Variants in ZNF586 observed in about 807,000 individuals in gnomAD.
ZNF586 encodes the protein zinc finger protein 586.
Under a neutral mutation model 6.7 loss-of-function variants are expected in ZNF586, and 7 were observed. That is an observed-to-expected ratio of 1.04 (90% CI 0.59 to 1.95). The LOEUF is 1.95. ZNF586 is among the 30% of genes most tolerant of loss of function. The probability of loss-of-function intolerance (pLI) is 0.00; values close to 1 mark genes in which losing one functional copy is unlikely to be tolerated. For synonymous variants in ZNF586, 166 were observed against 168.7 expected (o/e 0.98, Z 0.12); for missense variants, 442 against 489.6 (o/e 0.90, Z 0.92).
At position 57,779,430 on chromosome 19, in the gene ZNF586, G is replaced by C. The variant is rs1056667271; in HGVS notation, c.843G>C (p.Gln281His). 7.4e-6 allele frequency: 12 copies of C among 1,613,938 alleles called. No individual in the cohort carries two copies. The highest frequency in any genetic ancestry group is 1.0e-5 in the Non-Finnish European group (12 of 1,180,034). Reference protein sequence around the residue: ...FRRSSSLLQHQRVHTRERPYE... With the variant: ...FRRSSSLLQHHRVHTRERPYE... ...GAAGCTCTTCACTCTTGCAGCATCAGAGAGTTCACACTAGAGAAAGGCCTT... is the reference window on the plus strand; with the variant it reads ...GAAGCTCTTCACTCTTGCAGCATCACAGAGTTCACACTAGAGAAAGGCCTT... Residue 281 changes from glutamine (Q) to histidine (H), a missense_variant, in exon 3 of 3, where the codon CAG (glutamine) becomes CAC (histidine). Physicochemically the swap from Gln to His is conservative, Grantham distance 24. Transcript: ENST00000396154.
chr19:57,778,062 G>A (rs1245725943), intron 2 of ZNF586, among the ~76,000 whole-genome samples: 1 of 147,642 alleles, frequency 6.8e-6, no homozygotes, highest in Non-Finnish European at 1.5e-5. Flanking sequence ...AGCCTCTATG[G>A]AGTATATAAT....
At chr19:57,777,595 C>G (rs985665627) in intron 2 of ZNF586, among the ~76,000 whole-genome samples, 3 of 152,010 alleles carry the variant, frequency 2.0e-5, no homozygotes, top group African/African-American at 7.2e-5. Context: ...GTTTATTAGT[C>G]CTACACCTTG....
In ZNF586 at chr19:57,779,981, C is replaced by G; in HGVS notation, c.*185C>G. 1 of 574,698 alleles carries G rather than the reference C, an allele frequency of 1.7e-6. No homozygotes were observed. The allele number at this position is 574,698 out of a possible 1,614,324, so 35.6% of individuals were successfully genotyped here. On this transcript the variant is annotated 3_prime_UTR_variant, in exon 3 of 3. Transcript: ENST00000396154. ...TTTGAGTGCAATGAATGTGAGAAAG[C>G]CTTCAGCCCTCTCTCATTGGTTACC... is the stretch of plus-strand genomic sequence containing the variant.
intron 2 of ZNF586, among the ~76,000 whole-genome samples, chr19:57,777,746 C>CT (rs34718874): frequency 0.027 from 1,497 of 54,504 alleles, 374 homozygotes; most frequent in African/African-American, 0.1. Flanking sequence ...TATACCCATT[C>CT]TTTTTTTTTT....
chr19:57,777,836 A>G (rs1987272438), intron 2 of ZNF586, among the ~76,000 whole-genome samples: 1 of 134,716 alleles, frequency 7.4e-6, no homozygotes, highest in African/African-American at 2.8e-5. Flanking sequence ...GCTCACTGCA[A>G]CCTCCGCCTC....
intron 1 of ZNF586, among the ~76,000 whole-genome samples, chr19:57,772,163 G>A (rs79126005): frequency 0.015 from 2,223 of 152,276 alleles, 35 homozygotes; most frequent in Middle Eastern, 0.037. Context: ...GAGCTTGAGA[G>A]GATTCAGGAA....
At chr19:57,774,832 A>C in intron 1 of ZNF586, 1 of 836,384 alleles carries the variant, frequency 1.2e-6, no homozygotes, top group Non-Finnish European at 1.4e-6. Context: ...ATCATGTGCT[A>C]CCTTCATGTC....
chr19:57,779,704 T>TATGA lies in ZNF586; in HGVS notation c.1121_1124dup (p.Cys375Ter). ...GAGAGTTCACACTGGAGAAAGGCCA[T>TATGA]ATGAATGCATTGATTGTGGAAAATC... is the stretch of plus-strand genomic sequence containing the variant. On this transcript the variant is annotated frameshift_variant, in exon 3 of 3. Coordinates refer to ENST00000396154, the MANE Select transcript of ZNF586 (RefSeq NM_017652.4). LOFTEE classifies it low-confidence loss of function (END_TRUNC). 3.7e-6 allele frequency: 6 copies of TATGA among 1,614,180 alleles called. No homozygotes were observed. Among genetic ancestry groups the TATGA allele is most frequent in the Non-Finnish European group, 5.1e-6 (6 of 1,180,002 alleles).
Position 57,779,676 on chromosome 19 carries a change from C to T in ZNF586, c.1089C>T (p.His363=), listed in dbSNP as rs1987338022. The T allele has an allele frequency of 3.1e-6, 5 of 1,613,588 alleles. No homozygotes were observed. The African/African-American group carries it at 4.0e-5, about 13-fold the overall frequency. The stretch of plus-strand genomic sequence containing the variant: ...CTGAAAACTCCAGCCTTATTAAACA[C>T]TTGAGAGTTCACACTGGAGAAAGGC... ...SFAENSSLIK[H]LRVHTGERPY... is the part of the protein sequence containing the mutation. The change falls in exon 3 of 3, where the codon CAC becomes CAT. Residue 363 remains histidine, a synonymous_variant. Transcript: ENST00000396154.
chr19:57,774,762 C>G, intron 1 of ZNF586: 1 of 984,850 alleles, frequency 1.0e-6, no homozygotes, highest in East Asian at 1.1e-4. Context: ...TTTAATTTAC[C>G]AAGACTACTG....
chr19:57,770,052 A>C lies in ZNF586; in HGVS notation c.36+174A>C, dbSNP rs545378582. 1.8e-4 allele frequency among the ~76,000 whole-genome samples: 28 copies of C among 152,008 alleles called. 3 individuals carry two copies. In the Middle Eastern group the frequency reaches 0.01, roughly 56 times the overall value. Reference sequence around the variant, plus strand: ...CCCAGTTGATGCGGTCGGCAGAGCGAGACTGGCGGAGGGCAAAGGCCTGCA... The same window carrying C: ...CCCAGTTGATGCGGTCGGCAGAGCGCGACTGGCGGAGGGCAAAGGCCTGCA... On this transcript the variant is annotated intron_variant, in intron 1 of 2. Transcript: ENST00000396154.
At chr19:57,776,871 G>C (rs898730627) in intron 2 of ZNF586, among the ~76,000 whole-genome samples, 1 of 152,146 alleles carries the variant, frequency 6.6e-6, no homozygotes, top group African/African-American at 2.4e-5. Context: ...CAGGCTTCCA[G>C]GGAAGGAGTC....
At chr19:57,777,311 A>G (rs896812281) in intron 2 of ZNF586, among the ~76,000 whole-genome samples, 10 of 151,650 alleles carry the variant, frequency 6.6e-5, no homozygotes, top group Admixed American at 5.3e-4. Flanking sequence ...CGTCTGTCCT[A>G]TTTTTCCCTT....
At position 57,778,944 on chromosome 19, in the gene ZNF586, A is replaced by AC. The variant is rs777178060; in HGVS notation, c.357_358insC (p.Arg120GlnfsTer4). ...AACACAGGAATGTTCGCACTGGAGAAAGGCCTTATGAGTGCAGCAAATATG... is the reference window on the plus strand; with the variant it reads ...AACACAGGAATGTTCGCACTGGAGAACAGGCCTTATGAGTGCAGCAAATATG... On this transcript the variant is annotated frameshift_variant, in exon 3 of 3. Coordinates refer to ENST00000396154, the MANE Select transcript of ZNF586 (RefSeq NM_017652.4). LOFTEE classifies it low-confidence loss of function (END_TRUNC). 1.5e-5 allele frequency: 24 copies of AC among 1,614,058 alleles called. No homozygotes were observed.
Position 57,776,659 on chromosome 19 carries a change from A to G in ZNF586, c.153A>G (p.Ile51Met), listed in dbSNP as rs536364108. 43 of 1,604,590 alleles carry G rather than the reference A, an allele frequency of 2.7e-5. No individual in the cohort carries two copies. The highest frequency in any genetic ancestry group is 1.7e-4 in the Middle Eastern group (1 of 6,002). ...TGATGCTGGAGACCTTGACACTTAT[A>G]TCCTCCCTGGGTAAGGTACTCATAT... ...RDVMLETLTL[I>M]SSLGCWHGGE... The change falls in exon 2 of 3, where the codon ATA becomes ATG. Residue 51 changes from isoleucine (I) to methionine (M), a missense_variant. Transcript: ENST00000396154.
At chr19:57,773,618 G>A (rs1049386354) in intron 1 of ZNF586, among the ~76,000 whole-genome samples, 2 of 151,978 alleles carry the variant, frequency 1.3e-5, no homozygotes, top group Non-Finnish European at 2.9e-5. Flanking sequence ...TGGCTAGGCT[G>A]GAAAGGGAGG....
chr19:57,777,907 C>T (rs912765254), intron 2 of ZNF586, among the ~76,000 whole-genome samples: 2 of 150,654 alleles, frequency 1.3e-5, no homozygotes, highest in Admixed American at 6.6e-5. Context: ...AGGGGCCCAC[C>T]ACCACGCCCG....
intron 1 of ZNF586, among the ~76,000 whole-genome samples, chr19:57,770,536 T>G (rs1600077321): frequency 1.3e-5 from 2 of 152,196 alleles, no homozygotes; most frequent in Admixed American, 6.5e-5. Flanking sequence ...AGAGTTGCGA[T>G]TCCCAAAAGA....
chr19:57,779,283 G>A lies in ZNF586; in HGVS notation c.696G>A (p.Arg232=), dbSNP rs148201893. The change falls in exon 3 of 3, where the codon AGG becomes AGA. Residue 232 remains arginine (R), a synonymous_variant. Coordinates refer to ENST00000396154, the MANE Select transcript of ZNF586 (RefSeq NM_017652.4). ...ACAGGAGGATTCACACTGGAGAGAG[G>A]CCTTATGAGTGCAGTGAATGTGGGA... ...IKHRRIHTGE[R]PYECSECGRS... is the part of the protein sequence containing the mutation. 22 of 1,614,194 alleles carry A rather than the reference G, an allele frequency of 1.4e-5. No individual in the cohort carries two copies. In the African/African-American group the frequency reaches 2.5e-4, roughly 19 times the overall value.
Sources: gnomAD v4.1 joint callset for allele counts (sites outside exome capture counted in the v4.1 genomes callset) on GRCh38, gnomAD v4.1.1 for gene constraint, MANE v1.5 for transcripts, NCBI Gene and HGNC (gene_info 2026-07-23, HGNC 2026-07-21) for gene names.